The following DOCK5 variants were observed in gnomAD, a reference collection of about 807,000 sequenced individuals.
DOCK5 encodes the protein dedicator of cytokinesis protein 5.
In DOCK5, 142 loss-of-function variants were observed where a neutral mutation model predicts 251.8. The ratio of observed to expected loss-of-function variants is 0.56; its 90% CI spans 0.49 to 0.65. The LOEUF is 0.65. DOCK5 is among the 30% of genes least tolerant of loss of function. DOCK5 has a pLI of 0.00. For synonymous variants in DOCK5, 842 were observed against 835.5 expected (o/e 1.01, Z -0.13); for missense variants, 2,111 against 2,312.3 (o/e 0.91, Z 1.79).
intron 1 of DOCK5, among the ~76,000 whole-genome samples, chr8:25,235,451 G>GT (rs951574174): frequency 6.6e-6 from 1 of 152,062 alleles, no homozygotes; most frequent in Non-Finnish European, 1.5e-5. Context: ...TTGAGACAGG[G>GT]TCTCCCTATG....
chr8:25,230,855 A>G (rs1438805140), intron 1 of DOCK5, among the ~76,000 whole-genome samples: 1 of 152,102 alleles, frequency 6.6e-6, no homozygotes, highest in African/African-American at 2.4e-5. Flanking sequence ...CATCTCAAAA[A>G]TAAATAAATA....
At position 25,401,060 on chromosome 8, in the gene DOCK5, AAC is replaced by A; in HGVS notation, c.4923_4924del (p.Leu1642AlafsTer46). 6.2e-7 allele frequency: 1 copy of A among 1,613,956 alleles called. No homozygotes were observed. ...AAGTAGAAAAGCACTATGGGGTTAT[AAC>A]ACTGGTAAGCATGATCTAAGTAGCC... is the stretch of plus-strand genomic sequence containing the variant. Reference protein sequence around the residue: ...EKVEKHYGVITLPPNLTERKQ... With the variant: ...EKVEKHYGVIXLPPNLTERKQ... On this transcript the variant is annotated frameshift_variant, in exon 47 of 52. Coordinates refer to ENST00000276440, the MANE Select transcript of DOCK5 (RefSeq NM_024940.8). LOFTEE classifies it high-confidence loss of function.
chr8:25,409,089 C>G, intron 50 of DOCK5, 149 bp downstream of exon 50: 4 of 1,244,038 alleles, frequency 3.2e-6, no homozygotes, highest in Non-Finnish European at 3.3e-6. Context: ...TACAGTTAGA[C>G]TGGAGTTTGG....
intron 42 of DOCK5, 147 bp from the exon 43 acceptor site, chr8:25,391,749 G>A (rs1286321101): frequency 7.5e-6 from 4 of 532,100 alleles, no homozygotes; most frequent in Non-Finnish European, 9.9e-6. Flanking sequence ...ACTTTCTCAG[G>A]CCTTCATGTG....
chr8:25,319,041 C>T (rs1805348207), intron 14 of DOCK5, among the ~76,000 whole-genome samples: 1 of 152,122 alleles, frequency 6.6e-6, no homozygotes, highest in Non-Finnish European at 1.5e-5. Context: ...ACACCTTCTC[C>T]TGGTTGGTCA....
At chr8:25,324,051 G>C (rs1805496392) in intron 17 of DOCK5, 100 bp downstream of exon 17, 1 of 1,317,122 alleles carries the variant, frequency 7.6e-7, no homozygotes, top group Non-Finnish European at 1.0e-6. Context: ...AACCTTTCTA[G>C]AGCTTTCTGT....
chr8:25,235,935 T>A (rs1284582007), intron 1 of DOCK5, among the ~76,000 whole-genome samples: 3 of 151,818 alleles, frequency 2.0e-5, no homozygotes, highest in Middle Eastern at 3.4e-3. Context: ...GTAGCTAGGA[T>A]AACAGGTGCG....
chr8:25,406,605 T>A lies in DOCK5; in HGVS notation c.5094-1378T>A, dbSNP rs141848564. ...TTCTTACCTTTTTATTATAAGCATT[T>A]GTCATGTTGCTGTGTAATTTTTATT... On this transcript the variant is annotated intron_variant, in intron 48 of 51. Coordinates refer to ENST00000276440, the MANE Select transcript of DOCK5 (RefSeq NM_024940.8). 5.2e-3 allele frequency among the ~76,000 whole-genome samples: 796 copies of A among 152,258 alleles called. 8 individuals are homozygous for A. Among genetic ancestry groups the A allele is most frequent in the African/African-American group, 0.017 (719 of 41,558 alleles).
chr8:25,360,788 TG>T (rs1800663869), intron 28 of DOCK5, among the ~76,000 whole-genome samples: 2 of 152,190 alleles, frequency 1.3e-5, no homozygotes, highest in African/African-American at 2.4e-5. Context: ...CTAGGGATTT[TG>T]TTTCAAATTT....
At chr8:25,372,227 G>A (rs1800885665) in intron 34 of DOCK5, among the ~76,000 whole-genome samples, 1 of 152,192 alleles carries the variant, frequency 6.6e-6, no homozygotes, top group African/African-American at 2.4e-5. Flanking sequence ...GCAAGGGTTT[G>A]TTGACTGAAT....
intron 26 of DOCK5, among the ~76,000 whole-genome samples, chr8:25,347,800 A>G (rs944183337): frequency 6.6e-6 from 1 of 152,120 alleles, no homozygotes; most frequent in Non-Finnish European, 1.5e-5. Flanking sequence ...AACCCAGTCC[A>G]TTGTATGTAG....
chr8:25,203,682 GA>G (rs752363381), intron 1 of DOCK5, among the ~76,000 whole-genome samples: 7 of 152,216 alleles, frequency 4.6e-5, no homozygotes, highest in Non-Finnish European at 1.0e-4. Flanking sequence ...ACCAGGAAAA[GA>G]GAGAGCCTCT....
chr8:25,291,871 A>AT (rs1804497493), intron 5 of DOCK5, among the ~76,000 whole-genome samples, 153 bp from the exon 6 acceptor site: 1 of 39,778 alleles, frequency 2.5e-5, no homozygotes, highest in Non-Finnish European at 7.0e-5. Context: ...AGACTCCATC[A>AT]CAAAAAAAAA....
chr8:25,380,231 C>A, intron 38 of DOCK5, 74 bp from the exon 39 acceptor site: 1 of 1,351,868 alleles, frequency 7.4e-7, no homozygotes, highest in Non-Finnish European at 1.0e-6. Context: ...CCCAGTGACT[C>A]GCCAGTGGCT....
chr8:25,390,534 G>C (rs1349002578), intron 42 of DOCK5, among the ~76,000 whole-genome samples: 2 of 152,180 alleles, frequency 1.3e-5, no homozygotes, highest in Non-Finnish European at 2.9e-5. Context: ...AAGACCTACT[G>C]TCTGTTCTAC....
intron 2 of DOCK5, among the ~76,000 whole-genome samples, chr8:25,265,697 T>C (rs1015819949): frequency 6.6e-6 from 1 of 151,808 alleles, no homozygotes; most frequent in African/African-American, 2.4e-5. Flanking sequence ...TAGTGTTTAA[T>C]AAAGATTTGT....
At chr8:25,374,072 C>G (rs1210028459) in intron 36 of DOCK5, among the ~76,000 whole-genome samples, 1 of 152,092 alleles carries the variant, frequency 6.6e-6, no homozygotes, top group Non-Finnish European at 1.5e-5. Context: ...GGTCCAAGAC[C>G]TAATATTTAA....
intron 39 of DOCK5, among the ~76,000 whole-genome samples, chr8:25,380,900 G>GAATGCCCAGTGGAGGCAGCACCATTCCA (rs1563223474): frequency 2.0e-5 from 3 of 148,466 alleles, no homozygotes; most frequent in African/African-American, 7.5e-5. Context: ...GCACCATTCC[G>GAATGCCCAGTGGAGGCAGCACCATTCCA]AATGCCCAGT....
chr8:25,256,713 G>A (rs1249133573), intron 2 of DOCK5, among the ~76,000 whole-genome samples: 9 of 150,410 alleles, frequency 6.0e-5, no homozygotes, highest in South Asian at 2.1e-4. Context: ...TTTTCTTAGT[G>A]TCACTTTCAT....
Sources: allele counts gnomAD v4.1 joint callset (sites outside exome capture counted in the v4.1 genomes callset), GRCh38; gene constraint gnomAD v4.1.1; transcripts MANE v1.5; gene names NCBI Gene and HGNC (gene_info 2026-07-23, HGNC 2026-07-21).